CDC45: variants seen among roughly 807,000 people sequenced by gnomAD.
CDC45 encodes cell division cycle 45, also known as cell division control protein 45 homolog.
CDC45 carries 54 observed loss-of-function variants against 77.8 expected under a neutral mutation model. That is an observed-to-expected ratio of 0.69 (90% CI 0.56 to 0.87). The LOEUF is 0.87. CDC45 is among the 40% of genes least tolerant of loss of function. The pLI is 0.00. For synonymous variants in CDC45, 260 were observed against 272.1 expected (o/e 0.96, Z 0.44); for missense variants, 649 against 721.6 (o/e 0.90, Z 1.15).
intron 11 of CDC45, 121 bp downstream of exon 11, chr22:19,507,638 C>T (rs1363352353): frequency 7.1e-7 from 1 of 1,406,278 alleles, no homozygotes; most frequent in Non-Finnish European, 9.9e-7. Flanking sequence ...AAGCTCCTTG[C>T]CCTAGATCCC....
In CDC45 at chr22:19,497,511, G is replaced by A. The variant is rs2090264144; in HGVS notation, c.653+64G>A. The A allele has an allele frequency of 2.9e-6, 4 of 1,359,508 alleles. No individual in the cohort carries two copies. The Admixed American group carries it at 6.7e-5, about 23-fold the overall frequency. The allele number at this position is 1,359,508 out of a possible 1,614,324, so 84.2% of individuals were successfully genotyped here. On this transcript the variant is annotated intron_variant, in intron 8 of 18. Transcript: ENST00000263201. ...TGCCTTGGTCAGTGCCACATAAGCA[G>A]CTCTGTCCTCCCACAGGGAGGGTGT...
chr22:19,492,270 C>T (rs188412843), intron 5 of CDC45, among the ~76,000 whole-genome samples: 1 of 152,084 alleles, frequency 6.6e-6, no homozygotes, highest in East Asian at 1.9e-4. Flanking sequence ...TATTTTTTCT[C>T]GGTTGTTCAG....
At chr22:19,492,784 C>T (rs188290189) in intron 5 of CDC45, among the ~76,000 whole-genome samples, 1 of 152,034 alleles carries the variant, frequency 6.6e-6, no homozygotes, top group Non-Finnish European at 1.5e-5. Context: ...TGAGTGATGC[C>T]AGGTAGAGGT....
At chr22:19,502,945 G>T (rs1172967282) in intron 9 of CDC45, among the ~76,000 whole-genome samples, 1 of 152,096 alleles carries the variant, frequency 6.6e-6, no homozygotes, top group African/African-American at 2.4e-5. Flanking sequence ...CCAGCACTTT[G>T]TCGGGGGTGG....
At chr22:19,515,645 C>T (rs555646150) in intron 15 of CDC45, among the ~76,000 whole-genome samples, 1 of 152,170 alleles carries the variant, frequency 6.6e-6, no homozygotes, top group Non-Finnish European at 1.5e-5. Context: ...CTGAACTAAC[C>T]AGTAAAATGA....
At chr22:19,508,448 C>T in intron 12 of CDC45, 82 bp from the exon 13 acceptor site, 2 of 1,435,046 alleles carry the variant, frequency 1.4e-6, no homozygotes, top group Middle Eastern at 1.8e-4. Flanking sequence ...CTGTGAGGGA[C>T]ATTAGCACAT....
chr22:19,483,349 A>G (rs1449617838), intron 4 of CDC45, among the ~76,000 whole-genome samples: 4 of 152,106 alleles, frequency 2.6e-5, no homozygotes, highest in South Asian at 2.1e-4. Flanking sequence ...GGAGAATGGC[A>G]TGAACCCAGG....
At chr22:19,513,791 T>C (rs1170745192) in intron 13 of CDC45, among the ~76,000 whole-genome samples, 2 of 152,238 alleles carry the variant, frequency 1.3e-5, no homozygotes, top group Non-Finnish European at 2.9e-5. Context: ...ATTTCTTTAC[T>C]ATTCCCCCCA....
At position 19,499,091 on chromosome 22, in the gene CDC45, C is replaced by T. The variant is rs767469816; in HGVS notation, c.654-10C>T. 2.5e-5 allele frequency: 41 copies of T among 1,614,108 alleles called. No individual in the cohort carries two copies. Among genetic ancestry groups the T allele is most frequent in the Non-Finnish European group, 3.3e-5 (39 of 1,179,942 alleles). On this transcript the variant is annotated splice_polypyrimidine_tract_variant and intron_variant, in intron 8 of 18. Coordinates refer to ENST00000263201, the MANE Select transcript of CDC45 (RefSeq NM_003504.5). ...CTATAGGCCGGCTCCACTGCCTTCT[C>T]TTCTTCCAGGTGGGCCATCGTTGGA... is the stretch of plus-strand genomic sequence containing the variant.
At chr22:19,519,513 G>A (rs919814007) in intron 18 of CDC45, among the ~76,000 whole-genome samples, 1 of 152,226 alleles carries the variant, frequency 6.6e-6, no homozygotes, top group African/African-American at 2.4e-5. Context: ...CCAGGAAATA[G>A]GCCTGCCTTG....
chr22:19,508,395 ATCC>A, intron 12 of CDC45, 132 bp from the exon 13 acceptor site: 1 of 935,206 alleles, frequency 1.1e-6, no homozygotes. Flanking sequence ...GACCTGCCTC[ATCC>A]TCTGAGCAGC....
chr22:19,507,760 T>C lies in CDC45; in HGVS notation c.957-6T>C, dbSNP rs775552809. 2 of 1,588,528 alleles carry C rather than the reference T, an allele frequency of 1.3e-6. No individual in the cohort carries two copies. Among genetic ancestry groups the C allele is most frequent in the South Asian group, 2.3e-5 (2 of 87,076 alleles). On this transcript the variant is annotated splice_region_variant and splice_polypyrimidine_tract_variant and intron_variant, in intron 11 of 18. Transcript: ENST00000263201. ...CACTCATGTGGCTTGGGCTTGCTCTTTCCAGTCTTCCCCTGAAGCAGGTGA... is the reference window on the plus strand; with the variant it reads ...CACTCATGTGGCTTGGGCTTGCTCTCTCCAGTCTTCCCCTGAAGCAGGTGA...
intron 5 of CDC45, among the ~76,000 whole-genome samples, chr22:19,490,429 C>G (rs1376758796): frequency 6.6e-6 from 1 of 151,830 alleles, no homozygotes; most frequent in Non-Finnish European, 1.5e-5. Flanking sequence ...GGCTGGAATG[C>G]AGTGGCGCGA....
chr22:19,502,804 CA>C (rs1191758185), intron 9 of CDC45, among the ~76,000 whole-genome samples: 1 of 152,100 alleles, frequency 6.6e-6, no homozygotes, highest in African/African-American at 2.4e-5. Flanking sequence ...GCTGTATAAG[CA>C]AAACAAAATC....
intron 10 of CDC45, among the ~76,000 whole-genome samples, chr22:19,506,950 A>T (rs577546242): frequency 2.6e-4 from 39 of 151,964 alleles, no homozygotes; most frequent in African/African-American, 9.2e-4. Flanking sequence ...AAAAAACGAA[A>T]AAAGGGCTGA....
At chr22:19,505,092 C>T in intron 9 of CDC45, 2 of 476,496 alleles carry the variant, frequency 4.2e-6, no homozygotes, top group Non-Finnish European at 7.7e-6. Context: ...TGGGCTGTGG[C>T]CTCTGCGGTG....
At chr22:19,495,135 C>T (rs778085292) in intron 6 of CDC45, among the ~76,000 whole-genome samples, 19 of 152,152 alleles carry the variant, frequency 1.2e-4, no homozygotes, top group Admixed American at 2.0e-4. Flanking sequence ...AATCACACTG[C>T]CTAATTAAAA....
intron 5 of CDC45, among the ~76,000 whole-genome samples, chr22:19,485,034 G>C (rs1325701115): frequency 6.6e-6 from 1 of 151,958 alleles, no homozygotes. Context: ...AGCCTCCCAA[G>C]TAGCTGAGAC....
In CDC45 at chr22:19,496,887, C is replaced by T. The variant is rs534975339; in HGVS notation, c.592-499C>T. On this transcript the variant is annotated intron_variant, in intron 7 of 18. Transcript: ENST00000263201. ...CTGTTGGAAAGAGAGGTGCTGAGGC[C>T]CCTCCCTCTTTAATATTCAAATAAT... Among the ~76,000 whole-genome samples, 107 of 152,184 alleles carry T rather than the reference C, an allele frequency of 7.0e-4. 1 individual carries two copies. Among genetic ancestry groups the T allele is most frequent in the Non-Finnish European group, 8.4e-4 (57 of 68,004 alleles).
Sources: gnomAD v4.1 joint callset for allele counts (sites outside exome capture counted in the v4.1 genomes callset) on GRCh38, gnomAD v4.1.1 for gene constraint, MANE v1.5 for transcripts, NCBI Gene and HGNC (gene_info 2026-07-23, HGNC 2026-07-21) for gene names.